The following PARL variants were observed in gnomAD, a reference collection of about 807,000 sequenced individuals.
PARL encodes the protein presenilin associated rhomboid like.
Under a neutral mutation model 51.6 loss-of-function variants are expected in PARL, and 44 were observed. That is an observed-to-expected ratio of 0.85 (90% CI 0.67 to 1.10). The LOEUF is 1.10. Ranked by LOEUF, PARL falls within the 50% of genes least tolerant of loss-of-function variation. PARL has a pLI of 0.00. For missense variants in PARL, 441 were observed against 469.5 expected (o/e 0.94, Z 0.56); for synonymous variants, 172 against 164.0 (o/e 1.05, Z -0.37).
chr3:183,857,434 C>T (rs887734145), intron 4 of PARL, among the ~76,000 whole-genome samples: 3 of 151,994 alleles, frequency 2.0e-5, no homozygotes, highest in African/African-American at 7.3e-5. Context: ...AACAAACCTA[C>T]TTGTATTGAT....
chr3:183,876,171 C>T lies in PARL; in HGVS notation c.126-8111G>A, dbSNP rs527944601. Among the ~76,000 whole-genome samples the T allele has an allele frequency of 3.9e-5, 6 of 152,242 alleles. 1 individual carries two copies. In the South Asian group the frequency reaches 8.3e-4, roughly 21 times the overall value. The stretch of plus-strand genomic sequence containing the variant: ...AAGCAGTTCTCCTGCCTCAACCCTC[C>T]GAGCAGCTGGGATCACAGGCGCCTG... On this transcript the variant is annotated intron_variant, in intron 1 of 9. Coordinates refer to ENST00000317096, the MANE Select transcript of PARL (RefSeq NM_018622.7).
chr3:183,857,611 G>A (rs1731318428), intron 4 of PARL, among the ~76,000 whole-genome samples: 1 of 152,178 alleles, frequency 6.6e-6, no homozygotes, highest in Non-Finnish European at 1.5e-5. Context: ...GTTATTATGG[G>A]AAAGGAAAAG....
At chr3:183,844,377 A>G (rs752276051) in intron 4 of PARL, 51 bp from the exon 5 acceptor site, 2 of 1,118,658 alleles carry the variant, frequency 1.8e-6, no homozygotes, top group South Asian at 2.5e-5. Flanking sequence ...AAAGCAGGAA[A>G]GTCTGATCTA....
At chr3:183,864,690 G>T (rs1732242756) in intron 3 of PARL, among the ~76,000 whole-genome samples, 1 of 151,704 alleles carries the variant, frequency 6.6e-6, no homozygotes, top group South Asian at 2.1e-4. Flanking sequence ...GAAGGAGAAT[G>T]GCGTGAACCC....
In PARL at chr3:183,842,465, A is replaced by G; in HGVS notation, c.608-18T>C. 6.2e-7 allele frequency: 1 copy of G among 1,609,446 alleles called. No homozygotes were observed. Among genetic ancestry groups the G allele is most frequent in the Non-Finnish European group, 8.5e-7 (1 of 1,176,478 alleles). On this transcript the variant is annotated intron_variant, in intron 5 of 9. Coordinates refer to ENST00000317096, the MANE Select transcript of PARL (RefSeq NM_018622.7). ...AAGGACCTCTACAAGAGAGAGAAAC[A>G]TAGTCTGGTAATCATGAAACACACA... is the stretch of plus-strand genomic sequence containing the variant.
intron 1 of PARL, among the ~76,000 whole-genome samples, chr3:183,868,391 C>CTT (rs145149456): frequency 2.8e-5 from 4 of 145,434 alleles, no homozygotes; most frequent in African/African-American, 7.5e-5. Flanking sequence ...TTGTCCGTTT[C>CTT]TTTTTTTTTT....
intron 1 of PARL, among the ~76,000 whole-genome samples, chr3:183,871,267 G>C (rs1053644307): frequency 3.3e-5 from 5 of 151,944 alleles, no homozygotes; most frequent in Admixed American, 1.3e-4. Flanking sequence ...CTATACTCAA[G>C]GTGGTACTAT....
At chr3:183,839,594 T>C (rs1296734005) in intron 7 of PARL, among the ~76,000 whole-genome samples, 1 of 151,896 alleles carries the variant, frequency 6.6e-6, no homozygotes, top group Non-Finnish European at 1.5e-5. Context: ...AATTATTGTA[T>C]TTTCAGGAGG....
chr3:183,850,125 G>A (rs1188071017), intron 4 of PARL, among the ~76,000 whole-genome samples: 1 of 152,180 alleles, frequency 6.6e-6, no homozygotes, highest in Non-Finnish European at 1.5e-5. Context: ...TAGTATTTGA[G>A]TTTCCTACAG....
intron 1 of PARL, among the ~76,000 whole-genome samples, chr3:183,872,160 C>T (rs1016969290): frequency 3.9e-5 from 6 of 152,236 alleles, no homozygotes; most frequent in African/African-American, 1.4e-4. Flanking sequence ...TACTGCCACA[C>T]CTGGCTAATT....
At chr3:183,883,394 G>C (rs573784875) in intron 1 of PARL, among the ~76,000 whole-genome samples, 1 of 152,162 alleles carries the variant, frequency 6.6e-6, no homozygotes, top group East Asian at 1.9e-4. Flanking sequence ...TCAGGCTCCC[G>C]AGTAGCTGGG....
chr3:183,834,594 A>G (rs1450658876), intron 7 of PARL, among the ~76,000 whole-genome samples: 1 of 152,178 alleles, frequency 6.6e-6, no homozygotes, highest in Non-Finnish European at 1.5e-5. Flanking sequence ...GGCAGGAAGG[A>G]GTGACCACTA....
At chr3:183,874,528 C>T (rs1194031590) in intron 1 of PARL, among the ~76,000 whole-genome samples, 1 of 151,858 alleles carries the variant, frequency 6.6e-6, no homozygotes, top group Non-Finnish European at 1.5e-5. Context: ...CCTGCCTCAG[C>T]CTCCCAAGTA....
intron 9 of PARL, among the ~76,000 whole-genome samples, chr3:183,833,131 C>T (rs76700189): frequency 0.066 from 10,082 of 152,034 alleles, 468 homozygotes; most frequent in Non-Finnish European, 0.1. Flanking sequence ...CAGGGTGGGA[C>T]GCCAGGCAGG....
Position 183,838,183 on chromosome 3 carries a change from G to A in PARL, c.828+2387C>T, listed in dbSNP as rs531469822. ...TAGGATTACAGGTGCATGCCACCATGCCCGGCTTAATTTTGAAATTTTTTG... is the reference window on the plus strand; with the variant it reads ...TAGGATTACAGGTGCATGCCACCATACCCGGCTTAATTTTGAAATTTTTTG... On this transcript the variant is annotated intron_variant, in intron 7 of 9. Transcript: ENST00000317096. 5.9e-4 allele frequency among the ~76,000 whole-genome samples: 90 copies of A among 151,766 alleles called. No homozygotes were observed. In the Middle Eastern group the frequency reaches 0.021, roughly 35 times the overall value.
At chr3:183,861,328 C>T in intron 4 of PARL, 2 of 558,448 alleles carry the variant, frequency 3.6e-6, no homozygotes, top group Non-Finnish European at 4.5e-6. Context: ...ACTGAGTGCC[C>T]TTACTGTGTA....
chr3:183,846,885 C>G (rs181619428), intron 4 of PARL, among the ~76,000 whole-genome samples: 51 of 152,340 alleles, frequency 3.3e-4, no homozygotes, highest in Admixed American at 1.9e-3. Flanking sequence ...AAAACAGGCT[C>G]TAAAAGGTAC....
At chr3:183,879,725 T>C (rs1734219263) in intron 1 of PARL, 2 of 980,002 alleles carry the variant, frequency 2.0e-6, no homozygotes, top group African/African-American at 3.5e-5. Context: ...TTTCCTTTTT[T>C]TGGTGGGCGG....
chr3:183,860,923 CT>C (rs1398143445), intron 4 of PARL, among the ~76,000 whole-genome samples: 1 of 148,812 alleles, frequency 6.7e-6, no homozygotes, highest in African/African-American at 2.5e-5. Flanking sequence ...TCAAGCAATT[CT>C]GCTTCAGCCT....
Sources: allele counts gnomAD v4.1 joint callset (sites outside exome capture counted in the v4.1 genomes callset), GRCh38; gene constraint gnomAD v4.1.1; transcripts MANE v1.5; gene names NCBI Gene and HGNC (gene_info 2026-07-23, HGNC 2026-07-21).